The following PTPRT variants were observed in gnomAD, a reference collection of about 807,000 sequenced individuals.
PTPRT encodes the protein protein tyrosine phosphatase receptor type T, also known as receptor-type tyrosine-protein phosphatase T.
PTPRT carries 56 observed loss-of-function variants against 176.8 expected under a neutral mutation model. The observed-to-expected ratio is 0.32, with a 90% CI of 0.26 to 0.40. PTPRT has a LOEUF of 0.40. PTPRT is among the 10% of genes least tolerant of loss of function. PTPRT has a pLI of 1.00. For synonymous variants in PTPRT, 783 were observed against 739.0 expected, an observed-to-expected ratio of 1.06 and a Z score of -0.96; for missense variants, 1,540 against 1,908.2, an observed-to-expected ratio of 0.81 and a Z score of 3.60.
chr20:42,829,845 T>C (rs1420678575), intron 2 of PTPRT, among the ~76,000 whole-genome samples: 4 of 152,128 alleles, frequency 2.6e-5, no homozygotes, highest in Non-Finnish European at 4.4e-5. Context: ...CTAGAAAACC[T>C]AGAAGAGCTG....
At chr20:43,006,554 G>A (rs1203301704) in intron 1 of PTPRT, among the ~76,000 whole-genome samples, 3 of 152,032 alleles carry the variant, frequency 2.0e-5, no homozygotes, top group Non-Finnish European at 2.9e-5. Context: ...CTTTGAACTC[G>A]ACATCCTTGC....
chr20:42,099,546 CG>C (rs59137378), intron 26 of PTPRT, among the ~76,000 whole-genome samples: 7,472 of 28,942 alleles, frequency 0.26, 1,298 homozygotes, highest in Middle Eastern at 0.38. Context: ...ATGGCCTGGG[CG>C]GGGGGGGGGG....
chr20:42,682,934 G>C (rs2146086728), intron 6 of PTPRT, among the ~76,000 whole-genome samples: 1 of 152,322 alleles, frequency 6.6e-6, no homozygotes, highest in East Asian at 1.9e-4. Context: ...TGGAGATGGA[G>C]CTGTGCGCAT....
chr20:42,820,820 TGA>T, intron 2 of PTPRT, among the ~76,000 whole-genome samples: 1 of 152,008 alleles, frequency 6.6e-6, no homozygotes, highest in Non-Finnish European at 1.5e-5. Context: ...TAGAAGAAAT[TGA>T]TAAATTCCTG....
At position 42,706,504 on chromosome 20, in the gene PTPRT, G is replaced by C. The variant is rs1023088100; in HGVS notation, c.860-28345C>G. 3.3e-5 allele frequency among the ~76,000 whole-genome samples: 5 copies of C among 152,026 alleles called. No individual in the cohort carries two copies. In the East Asian group the frequency reaches 9.7e-4, roughly 29 times the overall value. Reference sequence around the variant, plus strand: ...TTAAAGTATTTTTATCCTGTGAAAAGTTGCTAATATCTCAACATTTTGTAT... The same window carrying C: ...TTAAAGTATTTTTATCCTGTGAAAACTTGCTAATATCTCAACATTTTGTAT... On this transcript the variant is annotated intron_variant, in intron 6 of 30. Transcript: ENST00000373187.
intron 2 of PTPRT, among the ~76,000 whole-genome samples, chr20:42,822,184 G>A (rs763506356): frequency 6.6e-6 from 1 of 152,076 alleles, no homozygotes; most frequent in Non-Finnish European, 1.5e-5. Context: ...AAACAGCATG[G>A]TACCTGTACC....
chr20:42,899,700 G>T (rs1257226502), intron 1 of PTPRT, among the ~76,000 whole-genome samples: 1 of 152,108 alleles, frequency 6.6e-6, no homozygotes, highest in African/African-American at 2.4e-5. Context: ...AAAGAGCCTA[G>T]TACTTTAACT....
At chr20:42,453,975 A>G (rs993167335) in intron 8 of PTPRT, among the ~76,000 whole-genome samples, 2 of 151,988 alleles carry the variant, frequency 1.3e-5, no homozygotes, top group African/African-American at 4.8e-5. Flanking sequence ...CTGGGATTAT[A>G]GGTGTGAGCC....
At chr20:42,917,792 G>A (rs879678311) in intron 1 of PTPRT, among the ~76,000 whole-genome samples, 16 of 152,140 alleles carry the variant, frequency 1.1e-4, no homozygotes, top group African/African-American at 3.4e-4. Context: ...AGGAATGAGC[G>A]AAAGTTGAGG....
chr20:42,249,297 T>C (rs1266633613), intron 13 of PTPRT, among the ~76,000 whole-genome samples: 1 of 152,238 alleles, frequency 6.6e-6, no homozygotes, highest in Non-Finnish European at 1.5e-5. Context: ...GGTTTTTGTT[T>C]TGTTCTTTAT....
In PTPRT at chr20:42,771,555, G is replaced by A; in HGVS notation, c.569-5C>T. ...GCAGAAAATGAGGTGCTTTTCCTAA[G>A]AGAGAAACCAAAGAACACAAGAGAA... On this transcript the variant is annotated splice_region_variant and splice_polypyrimidine_tract_variant and intron_variant, in intron 4 of 30. Coordinates refer to ENST00000373187, the MANE Select transcript of PTPRT (RefSeq NM_007050.6). The A allele has an allele frequency of 2.5e-6, 4 of 1,610,646 alleles. No individual in the cohort carries two copies. The highest frequency in any genetic ancestry group is 3.4e-6 in the Non-Finnish European group (4 of 1,176,836).
intron 7 of PTPRT, among the ~76,000 whole-genome samples, chr20:42,501,738 CA>C: frequency 6.6e-6 from 1 of 152,250 alleles, no homozygotes; most frequent in South Asian, 2.1e-4. Flanking sequence ...TGTATACTGT[CA>C]AACAGTTTTT....
rs574544961 is a variant in PTPRT, at chr20:42,385,804, G to A, written c.1561-33519C>T. ...CTACTAATTCACTACCATGAGAACAGTATGGGAGAAACCACCCCCACGATT... is the reference window on the plus strand; with the variant it reads ...CTACTAATTCACTACCATGAGAACAATATGGGAGAAACCACCCCCACGATT... On this transcript the variant is annotated intron_variant, in intron 9 of 30. Coordinates refer to ENST00000373187, the MANE Select transcript of PTPRT (RefSeq NM_007050.6). 1.3e-4 allele frequency among the ~76,000 whole-genome samples: 20 copies of A among 152,208 alleles called. No individual in the cohort carries two copies. The South Asian group carries it at 4.1e-3, about 32-fold the overall frequency.
At chr20:42,995,479 G>A (rs1984171312) in intron 1 of PTPRT, among the ~76,000 whole-genome samples, 1 of 152,112 alleles carries the variant, frequency 6.6e-6, no homozygotes, top group South Asian at 2.1e-4. Flanking sequence ...ATCCACTTCA[G>A]GGCTCAGGTC....
At chr20:42,481,009 AG>A (rs1267128812) in intron 7 of PTPRT, among the ~76,000 whole-genome samples, 3 of 151,562 alleles carry the variant, frequency 2.0e-5, no homozygotes, top group Non-Finnish European at 4.4e-5. Flanking sequence ...CAATACTCTA[AG>A]GCAGAAGTAG....
At chr20:42,449,441 C>A (rs6093644) in intron 8 of PTPRT, among the ~76,000 whole-genome samples, 1 of 152,254 alleles carries the variant, frequency 6.6e-6, no homozygotes, top group South Asian at 2.1e-4. Context: ...GCTGTAACCC[C>A]TTAGAAATAA....
At chr20:42,705,359 T>C (rs974394205) in intron 6 of PTPRT, among the ~76,000 whole-genome samples, 9 of 151,526 alleles carry the variant, frequency 5.9e-5, no homozygotes, top group African/African-American at 2.2e-4. Flanking sequence ...TCGTTGGTTC[T>C]TATAGGTTTG....
At chr20:42,447,632 C>T (rs1346071567) in intron 9 of PTPRT, among the ~76,000 whole-genome samples, 1 of 152,090 alleles carries the variant, frequency 6.6e-6, no homozygotes, top group Admixed American at 6.6e-5. Context: ...CTGGAAGGCA[C>T]ATTGTGTTGG....
At chr20:42,166,097 T>C (rs1989813497) in intron 16 of PTPRT, among the ~76,000 whole-genome samples, 1 of 152,232 alleles carries the variant, frequency 6.6e-6, no homozygotes, top group Non-Finnish European at 1.5e-5. Context: ...AGACTGGCCA[T>C]ATTTCCAGGA....
Sources: allele counts gnomAD v4.1 joint callset (sites outside exome capture counted in the v4.1 genomes callset), GRCh38; gene constraint gnomAD v4.1.1; transcripts MANE v1.5; gene names NCBI Gene and HGNC (gene_info 2026-07-23, HGNC 2026-07-21).